Variants in BTG3 observed in about 807,000 individuals in gnomAD.
BTG3 encodes the protein protein BTG3.
A neutral mutation model predicts 25.8 loss-of-function variants in BTG3; 4 were observed. The observed-to-expected ratio is 0.16, with a 90% CI of 0.08 to 0.36. The LOEUF is 0.36. Among genes scored for constraint, BTG3 ranks in the 10% least tolerant of loss-of-function variants. The pLI is 1.00. For missense variants in BTG3, 201 were observed against 304.9 expected, an observed-to-expected ratio of 0.66 and a Z score of 2.54; for synonymous variants, 107 against 99.9, an observed-to-expected ratio of 1.07 and a Z score of -0.42.
chr21:17,610,743 G>A (rs2123485371), intron 1 of BTG3, among the ~76,000 whole-genome samples: 1 of 152,264 alleles, frequency 6.6e-6, no homozygotes, highest in South Asian at 2.1e-4. Flanking sequence ...AAAACATACA[G>A]CCTCTGCTAT....
chr21:17,600,764 A>G (rs1248655403), intron 3 of BTG3, among the ~76,000 whole-genome samples: 1 of 152,238 alleles, frequency 6.6e-6, no homozygotes, highest in Non-Finnish European at 1.5e-5. Flanking sequence ...ATTTCTTCAG[A>G]TAGCTATGCT....
chr21:17,612,856 A>G lies in BTG3; in HGVS notation c.-166T>C, dbSNP rs977731895. The G allele has an allele frequency of 4.6e-5, 7 of 151,946 alleles. No individual in the cohort carries two copies. The highest frequency in any genetic ancestry group is 1.7e-4 in the African/African-American group (7 of 41,408). 9.4% of individuals were successfully genotyped at this position (151,946 alleles called of 1,614,324 possible). On this transcript the variant is annotated 5_prime_UTR_variant, in exon 1 of 5. Transcript: ENST00000348354. ...CGGCTCCCGCGTCGTCGGGCGGCCA[A>G]GCGCGCGTTGAGAGGACTGGCGGGC... is the stretch of plus-strand genomic sequence containing the variant.
At position 17,612,816 on chromosome 21, in the gene BTG3, C is replaced by G. The variant is rs1016287121; in HGVS notation, c.-126G>C. 2.0e-5 allele frequency: 3 copies of G among 152,196 alleles called. No individual in the cohort carries two copies. Among genetic ancestry groups the G allele is most frequent in the Admixed American group, 1.3e-4 (2 of 15,278 alleles). 9.4% of individuals were successfully genotyped at this position (152,196 alleles called of 1,614,324 possible). On this transcript the variant is annotated 5_prime_UTR_variant, in exon 1 of 5. Transcript: ENST00000348354. The stretch of plus-strand genomic sequence containing the variant: ...CTGGGCAACAGGGAGCGCAGCGAGC[C>G]TCGTCCGGCGCGTGCGGCTCCCGCG...
intron 2 of BTG3, among the ~76,000 whole-genome samples, chr21:17,608,337 CACTCTAGACTG>C (rs564713089): frequency 6.6e-6 from 1 of 151,356 alleles, no homozygotes; most frequent in East Asian, 2.0e-4. Flanking sequence ...TATACCACTG[CACTCTAGACTG>C]GGTGACAGAG....
At chr21:17,611,848 C>T (rs1009541359) in intron 1 of BTG3, 1 of 152,228 alleles carries the variant, frequency 6.6e-6, no homozygotes, top group Non-Finnish European at 1.5e-5. Context: ...TTGTACTTTT[C>T]CCTCCCTTGT....
intron 2 of BTG3, among the ~76,000 whole-genome samples, chr21:17,605,739 C>T (rs1045656544): frequency 6.6e-6 from 1 of 152,068 alleles, no homozygotes; most frequent in African/African-American, 2.4e-5. Flanking sequence ...AAAAAATATG[C>T]ATTCTGTTAA....
chr21:17,611,823 A>G (rs1206646062), intron 1 of BTG3: 1 of 152,216 alleles, frequency 6.6e-6, no homozygotes, highest in Non-Finnish European at 1.5e-5. Context: ...TCGGCCTCGC[A>G]GGAGTTTATA....
intron 3 of BTG3, 176 bp from the exon 4 acceptor site, chr21:17,599,000 A>C (rs551614947): frequency 1.9e-6 from 1 of 516,016 alleles, no homozygotes; most frequent in South Asian, 3.3e-5. Context: ...CAAGCAAACC[A>C]CAGTTTTCTA....
At chr21:17,596,852 C>T (rs183501098) in intron 4 of BTG3, among the ~76,000 whole-genome samples, 131 of 152,142 alleles carry the variant, frequency 8.6e-4, no homozygotes, top group Admixed American at 2.6e-3. Context: ...TTCATTTCTT[C>T]GTTTTTTAAG....
rs570946382 is a variant in BTG3, at chr21:17,605,017, C to T, written c.174-20G>A. 5.6e-6 allele frequency: 9 copies of T among 1,609,418 alleles called. No homozygotes were observed. Among genetic ancestry groups the T allele is most frequent in the South Asian group, 3.3e-5 (3 of 90,448 alleles). Reference sequence around the variant, plus strand: ...ATACATCTACAACAAAGTGGAGTTACGTTAATGGATTTAAATGAATTTAAT... The same window carrying T: ...ATACATCTACAACAAAGTGGAGTTATGTTAATGGATTTAAATGAATTTAAT... On this transcript the variant is annotated intron_variant, in intron 2 of 4. Coordinates refer to ENST00000348354, the MANE Select transcript of BTG3 (RefSeq NM_006806.5).
At chr21:17,600,020 C>T (rs1269648865) in intron 3 of BTG3, among the ~76,000 whole-genome samples, 4 of 152,236 alleles carry the variant, frequency 2.6e-5, no homozygotes, top group East Asian at 1.9e-4. Flanking sequence ...TAACTACTCA[C>T]CTCTCATCTT....
In BTG3 at chr21:17,604,946, G is replaced by C; in HGVS notation, c.225C>G (p.Ala75=). ...FQRVDPDVLK[A]CENSCILYSD... is the part of the protein sequence containing the mutation. Reference sequence around the variant, plus strand: ...TATACAAGATGCAGCTGTTTTCACAGGCTTTCAGGACATCAGGATCAACTC... The same window carrying C: ...TATACAAGATGCAGCTGTTTTCACACGCTTTCAGGACATCAGGATCAACTC... The change falls in exon 3 of 5, where the codon GCC becomes GCG. Residue 75 remains alanine (A), a synonymous_variant. Coordinates refer to ENST00000348354, the MANE Select transcript of BTG3 (RefSeq NM_006806.5). The C allele has an allele frequency of 5.0e-6, 8 of 1,614,142 alleles. No individual in the cohort carries two copies. The highest frequency in any genetic ancestry group is 5.9e-6 in the Non-Finnish European group (7 of 1,180,018).
At chr21:17,608,242 A>C (rs1308575568) in intron 2 of BTG3, among the ~76,000 whole-genome samples, 1 of 152,190 alleles carries the variant, frequency 6.6e-6, no homozygotes, top group East Asian at 1.9e-4. Flanking sequence ...GTGTGTTGGC[A>C]CATGTCTATA....
intron 2 of BTG3, among the ~76,000 whole-genome samples, chr21:17,607,762 T>C (rs977333384): frequency 1.9e-4 from 29 of 152,224 alleles, no homozygotes; most frequent in African/African-American, 6.5e-4. Context: ...GTTATCACTA[T>C]AGTCACTGTT....
chr21:17,596,075 C>T (rs1299636437), intron 4 of BTG3, among the ~76,000 whole-genome samples: 1 of 152,016 alleles, frequency 6.6e-6, no homozygotes, highest in African/African-American at 2.4e-5. Context: ...ATCTTTTGCT[C>T]CTCCTGCCCT....
intron 2 of BTG3, among the ~76,000 whole-genome samples, chr21:17,605,773 G>A (rs1200295801): frequency 6.6e-6 from 1 of 152,082 alleles, no homozygotes; most frequent in Non-Finnish European, 1.5e-5. Flanking sequence ...TGATTAAGTA[G>A]GGAAATAGGG....
At position 17,598,725 on chromosome 21, in the gene BTG3, C is replaced by T; in HGVS notation, c.411G>A (p.Lys137=). ...ISRKVTRALD[K]VTSDYHSGSS... ...ATCCTGAATGATAATCAGAGGTAAC[C>T]TTATCAAGGGCCCTGGTAACTTTCC... The change falls in exon 4 of 5, where the codon AAG becomes AAA. Residue 137 remains lysine, a synonymous_variant. Coordinates refer to ENST00000348354, the MANE Select transcript of BTG3 (RefSeq NM_006806.5). The T allele has an allele frequency of 3.1e-6, 5 of 1,614,038 alleles. No homozygotes were observed. The highest frequency in any genetic ancestry group is 4.2e-6 in the Non-Finnish European group (5 of 1,179,948).
chr21:17,602,195 A>C (rs2061583458), intron 3 of BTG3, among the ~76,000 whole-genome samples: 1 of 152,192 alleles, frequency 6.6e-6, no homozygotes, highest in Non-Finnish European at 1.5e-5. Context: ...TTGAGTAGAT[A>C]AGCTGGCATC....
At chr21:17,602,935 T>G (rs1013793751) in intron 3 of BTG3, among the ~76,000 whole-genome samples, 2 of 152,222 alleles carry the variant, frequency 1.3e-5, no homozygotes, top group Non-Finnish European at 2.9e-5. Flanking sequence ...ATCATTATAT[T>G]GAACGTAAAC....
Sources: gnomAD v4.1 joint callset for allele counts (sites outside exome capture counted in the v4.1 genomes callset) on GRCh38, gnomAD v4.1.1 for gene constraint, MANE v1.5 for transcripts, NCBI Gene and HGNC (gene_info 2026-07-23, HGNC 2026-07-21) for gene names.